ARSB: variants seen among roughly 807,000 people sequenced by gnomAD.
The protein encoded by ARSB is N-acetylgalactosamine-4-sulfatase.
Under a neutral mutation model 50.9 loss-of-function variants are expected in ARSB, and 41 were observed. The ratio of observed to expected loss-of-function variants is 0.81; its 90% confidence interval spans 0.63 to 1.04. ARSB has a LOEUF of 1.04. Ranked by LOEUF, ARSB falls within the 50% of genes least tolerant of loss-of-function variation. The pLI, the probability that ARSB is intolerant of heterozygous loss-of-function variation, is 0.00. For missense variants in ARSB, 672 were observed against 693.3 expected, an observed-to-expected ratio of 0.97 and a Z score of 0.35; for synonymous variants, 269 against 284.8, an observed-to-expected ratio of 0.94 and a Z score of 0.56.
chr5:78,853,848 T>G (rs758362060), intron 5 of ARSB, among the ~76,000 whole-genome samples: 2 of 152,234 alleles, frequency 1.3e-5, no homozygotes, highest in African/African-American at 4.8e-5. Flanking sequence ...TCTGTGGGCA[T>G]AGGACCCTCT....
intron 4 of ARSB, among the ~76,000 whole-genome samples, chr5:78,933,381 G>A (rs1399015838): frequency 6.6e-6 from 1 of 152,170 alleles, no homozygotes; most frequent in Non-Finnish European, 1.5e-5. Context: ...AAGTTTCAAA[G>A]GCTCTGAGGT....
chr5:78,879,786 G>A lies in ARSB; in HGVS notation c.1142+5798C>T, dbSNP rs925262820. Among the ~76,000 whole-genome samples, 6 of 152,156 alleles carry A rather than the reference G, an allele frequency of 3.9e-5. No homozygotes were observed. The East Asian group carries it at 5.8e-4, about 15-fold the overall frequency. Reference sequence around the variant, plus strand: ...TGCCAAATGTTCTGCCACCGATTCCGAACTTGCCTAATGCTGTGAGAAGCA... The same window carrying A: ...TGCCAAATGTTCTGCCACCGATTCCAAACTTGCCTAATGCTGTGAGAAGCA... On this transcript the variant is annotated intron_variant, in intron 5 of 7. Coordinates refer to ENST00000264914, the MANE Select transcript of ARSB (RefSeq NM_000046.5).
chr5:78,985,398 C>T, upstream of ARSB: 1 of 735,230 alleles, frequency 1.4e-6, no homozygotes, highest in Non-Finnish European at 1.8e-6. Context: ...GGCGCTCGGC[C>T]CCCGCCGCCT....
intron 6 of ARSB, among the ~76,000 whole-genome samples, chr5:78,804,960 A>G (rs561608360): frequency 6.6e-6 from 1 of 152,334 alleles, no homozygotes; most frequent in East Asian, 1.9e-4. Context: ...AGTCACATGT[A>G]TATTTGCCAA....
intron 4 of ARSB, among the ~76,000 whole-genome samples, chr5:78,894,053 G>C (rs1023790895): frequency 9.2e-5 from 14 of 152,134 alleles, no homozygotes; most frequent in Admixed American, 3.3e-4. Flanking sequence ...AGATAATTTT[G>C]ACTAGACAGC....
Position 78,858,268 on chromosome 5 carries a change from A to G in ARSB, c.1143-18842T>C, listed in dbSNP as rs191922064. Among the ~76,000 whole-genome samples, 35 of 152,110 alleles carry G rather than the reference A, an allele frequency of 2.3e-4. No homozygotes were observed. In the East Asian group the frequency reaches 6.2e-3, roughly 27 times the overall value. ...TAATAAAAGTTAAACATTTTTCTTCACCCTCTTCTCTTGAAAACTTATAAA... is the reference window on the plus strand; with the variant it reads ...TAATAAAAGTTAAACATTTTTCTTCGCCCTCTTCTCTTGAAAACTTATAAA... On this transcript the variant is annotated intron_variant, in intron 5 of 7. Transcript: ENST00000264914.
Position 78,984,929 on chromosome 5 carries a change from C to A in ARSB, c.312+8G>T. On this transcript the variant is annotated splice_region_variant and intron_variant, in intron 1 of 7. Coordinates refer to ENST00000264914, the MANE Select transcript of ARSB (RefSeq NM_000046.5). ...GGGGGCGGCGCGGGCGGCGGGGGCG[C>A]CGCGTACCTGGTAGCGGCCAGTGAG... is the stretch of plus-strand genomic sequence containing the variant. 7.4e-7 allele frequency: 1 copy of A among 1,356,636 alleles called. No individual in the cohort carries two copies. Among genetic ancestry groups the A allele is most frequent in the Non-Finnish European group, 9.5e-7 (1 of 1,053,574 alleles). The allele number at this position is 1,356,636 out of a possible 1,614,324, so 84.0% of individuals were successfully genotyped here.
rs561554195 is a variant in ARSB at position 78,935,937 on chromosome 5, C to T, written c.898+19358G>A. Among the ~76,000 whole-genome samples the T allele has an allele frequency of 2.7e-3, 356 of 134,176 alleles. 3 individuals carry two copies. Among genetic ancestry groups the T allele is most frequent in the African/African-American group, 9.2e-3 (332 of 35,936 alleles). 88.0% of individuals were successfully genotyped at this position (134,176 alleles called of 152,430 possible). ...CTCTCTCCTCCCCTCTCCTCCACTCCCCTCCCCTCCCCTCCCCCCTTCTCT... is the reference window on the plus strand; with the variant it reads ...CTCTCTCCTCCCCTCTCCTCCACTCTCCTCCCCTCCCCTCCCCCCTTCTCT... On this transcript the variant is annotated intron_variant, in intron 4 of 7. Transcript: ENST00000264914.
At chr5:78,959,391 C>T (rs1751885451) in intron 3 of ARSB, among the ~76,000 whole-genome samples, 1 of 151,498 alleles carries the variant, frequency 6.6e-6, no homozygotes, top group African/African-American at 2.4e-5. Flanking sequence ...GCCAGTGGAA[C>T]TCAGGCAGTT....
intron 2 of ARSB, among the ~76,000 whole-genome samples, chr5:78,968,586 T>C (rs1404402454): frequency 6.6e-6 from 1 of 152,140 alleles, no homozygotes; most frequent in Non-Finnish European, 1.5e-5. Flanking sequence ...CCTGACCTCG[T>C]GATCCGCCTG....
intron 5 of ARSB, among the ~76,000 whole-genome samples, chr5:78,871,981 C>G (rs1442984270): frequency 6.6e-6 from 1 of 151,772 alleles, no homozygotes; most frequent in Non-Finnish European, 1.5e-5. Flanking sequence ...AAAAAACAAA[C>G]AACCCCATCA....
chr5:78,979,232 A>T (rs991797098), intron 1 of ARSB, among the ~76,000 whole-genome samples: 2 of 152,260 alleles, frequency 1.3e-5, no homozygotes, highest in African/African-American at 4.8e-5. Context: ...ACATTAAAAG[A>T]TGTTCAACAT....
chr5:78,888,370 T>G (rs1748134006), intron 4 of ARSB, among the ~76,000 whole-genome samples: 1 of 152,156 alleles, frequency 6.6e-6, no homozygotes, highest in Non-Finnish European at 1.5e-5. Flanking sequence ...AACCAATGTA[T>G]CGAAACTTAG....
intron 5 of ARSB, among the ~76,000 whole-genome samples, chr5:78,841,953 A>G (rs1745234838): frequency 6.6e-6 from 1 of 152,232 alleles, no homozygotes; most frequent in Non-Finnish European, 1.5e-5. Flanking sequence ...GATATGGGCC[A>G]AGAAAACACA....
At chr5:78,863,733 G>C (rs1025797443) in intron 5 of ARSB, among the ~76,000 whole-genome samples, 1 of 151,898 alleles carries the variant, frequency 6.6e-6, no homozygotes, top group Non-Finnish European at 1.5e-5. Context: ...TTGTGCACAT[G>C]TACCCTAGAA....
At position 78,803,148 on chromosome 5, in the gene ARSB, T is replaced by C. The variant is rs558800604; in HGVS notation, c.1214-21174A>G. Among the ~76,000 whole-genome samples the C allele has an allele frequency of 2.6e-5, 4 of 152,384 alleles. No individual in the cohort carries two copies. In the South Asian group the frequency reaches 8.3e-4, roughly 32 times the overall value. On this transcript the variant is annotated intron_variant, in intron 6 of 7. Transcript: ENST00000264914. The stretch of plus-strand genomic sequence containing the variant: ...CTTCAGACAGATGAAGAGCAGGCCC[T>C]GTGGGCCATGGAGAGAGTCAGTTTC...
At position 78,793,641 on chromosome 5, in the gene ARSB, A is replaced by T. The variant is rs141413201; in HGVS notation, c.1214-11667T>A. Among the ~76,000 whole-genome samples the T allele has an allele frequency of 3.0e-4, 45 of 152,256 alleles. 1 individual carries two copies. In the East Asian group the frequency reaches 6.0e-3, roughly 20 times the overall value. On this transcript the variant is annotated intron_variant, in intron 6 of 7. Coordinates refer to ENST00000264914, the MANE Select transcript of ARSB (RefSeq NM_000046.5). Reference sequence around the variant, plus strand: ...TGTGGCCATGGTCCCCCCAAACTAAATTGATTTACTTCGTCAACAAATACT... The same window carrying T: ...TGTGGCCATGGTCCCCCCAAACTAATTTGATTTACTTCGTCAACAAATACT...
At chr5:78,941,143 A>G (rs1750899094) in intron 4 of ARSB, among the ~76,000 whole-genome samples, 1 of 150,956 alleles carries the variant, frequency 6.6e-6, no homozygotes, top group Admixed American at 6.6e-5. Flanking sequence ...TTGTATCCTG[A>G]GACTTTGCTG....
At chr5:78,893,107 C>T (rs554872275) in intron 4 of ARSB, among the ~76,000 whole-genome samples, 4 of 152,276 alleles carry the variant, frequency 2.6e-5, no homozygotes, top group South Asian at 2.1e-4. Flanking sequence ...ACAAGCTTCA[C>T]GAGAGCTGAT....
Sources: allele counts gnomAD v4.1 joint callset (sites outside exome capture counted in the v4.1 genomes callset), GRCh38; gene constraint gnomAD v4.1.1; transcripts MANE v1.5; gene names NCBI Gene and HGNC (gene_info 2026-07-23, HGNC 2026-07-21).